KCNN2: variants seen among roughly 807,000 people sequenced by gnomAD.
The protein encoded by KCNN2 is potassium calcium-activated channel subfamily N member 2, also known as small conductance calcium-activated potassium channel protein 2.
Under a neutral mutation model 55.5 loss-of-function variants are expected in KCNN2, and 24 were observed. The ratio of observed to expected loss-of-function variants is 0.43; its 90% confidence interval spans 0.31 to 0.61. The LOEUF is 0.61. Ranked by LOEUF, KCNN2 falls within the 20% of genes least tolerant of loss-of-function variation. The probability of loss-of-function intolerance (pLI) is 0.08; values close to 1 mark genes in which losing one functional copy is unlikely to be tolerated. For missense variants in KCNN2, 754 were observed against 853.6 expected, an observed-to-expected ratio of 0.88 and a Z score of 1.45; for synonymous variants, 431 against 336.1, an observed-to-expected ratio of 1.28 and a Z score of -3.09.
At chr5:114,064,728 G>A (rs987188819) in intron 1 of KCNN2, among the ~76,000 whole-genome samples, 3 of 152,154 alleles carry the variant, frequency 2.0e-5, no homozygotes, top group Non-Finnish European at 4.4e-5. Flanking sequence ...TATAAAGGGG[G>A]CATTTTGAAA....
At chr5:114,259,397 G>A (rs1755053885) in intron 2 of KCNN2, among the ~76,000 whole-genome samples, 1 of 152,160 alleles carries the variant, frequency 6.6e-6, no homozygotes, top group Admixed American at 6.5e-5. Flanking sequence ...GGCTGAGCAG[G>A]ACAGAGGACT....
intron 2 of KCNN2, among the ~76,000 whole-genome samples, chr5:114,322,116 G>T (rs1756626251): frequency 1.3e-5 from 2 of 152,170 alleles, no homozygotes; most frequent in African/African-American, 4.8e-5. Flanking sequence ...CAATTAAGCT[G>T]CAAATAACAT....
chr5:114,058,925 G>T (rs577292635), intron 1 of KCNN2, among the ~76,000 whole-genome samples: 1 of 152,166 alleles, frequency 6.6e-6, no homozygotes, highest in African/African-American at 2.4e-5. Flanking sequence ...TACTTACTGC[G>T]CAGGAGACCA....
chr5:114,166,457 T>G (rs769105932), intron 1 of KCNN2, among the ~76,000 whole-genome samples: 102 of 152,258 alleles, frequency 6.7e-4, no homozygotes, highest in South Asian at 2.5e-3. Flanking sequence ...CTCTGGCCAA[T>G]TGTGTTTTTC....
chr5:114,172,141 A>T (rs974537215), intron 1 of KCNN2, among the ~76,000 whole-genome samples: 3 of 151,892 alleles, frequency 2.0e-5, no homozygotes, highest in Non-Finnish European at 4.4e-5. Context: ...GTTGATTCTC[A>T]ATTTCGTACA....
At chr5:114,250,322 C>T (rs1299435192) in intron 2 of KCNN2, among the ~76,000 whole-genome samples, 5 of 152,144 alleles carry the variant, frequency 3.3e-5, no homozygotes, top group Non-Finnish European at 7.3e-5. Context: ...GGGAACTTGA[C>T]AGAGCTTCTT....
chr5:114,057,673 A>C (rs1750240618), intron 1 of KCNN2, among the ~76,000 whole-genome samples: 1 of 152,170 alleles, frequency 6.6e-6, no homozygotes, highest in African/African-American at 2.4e-5. Context: ...AGAACAGAGT[A>C]ATGTGCTAGA....
intron 3 of KCNN2, among the ~76,000 whole-genome samples, chr5:114,446,356 C>G (rs1760407991): frequency 6.6e-6 from 1 of 152,164 alleles, no homozygotes; most frequent in Non-Finnish European, 1.5e-5. Context: ...TGAAATAGCC[C>G]TGTTATGAAA....
chr5:114,363,885 T>C (rs1353478775), intron 1 of KCNN2, 21 bp from the exon 2 acceptor site: 1 of 1,596,668 alleles, frequency 6.3e-7, no homozygotes, highest in Admixed American at 1.7e-5. Flanking sequence ...TTAAAAGTGC[T>C]TCTGTCTGAC....
chr5:114,267,226 C>T (rs142117333), intron 2 of KCNN2, among the ~76,000 whole-genome samples: 1,666 of 152,254 alleles, frequency 0.011, 28 homozygotes, highest in African/African-American at 0.039. Flanking sequence ...ATCTCTTGAC[C>T]TCGTGATCCA....
chr5:114,100,299 T>C (rs1400078740), intron 1 of KCNN2, among the ~76,000 whole-genome samples: 2 of 152,174 alleles, frequency 1.3e-5, no homozygotes, highest in African/African-American at 4.8e-5. Flanking sequence ...ATTTTATAGA[T>C]GGAGCTCTAG....
intron 3 of KCNN2, among the ~76,000 whole-genome samples, chr5:114,450,579 G>A (rs779905509): frequency 1.3e-5 from 2 of 152,126 alleles, no homozygotes; most frequent in East Asian, 3.9e-4. Context: ...CTCTTCAGGC[G>A]TTTTTGCCAA....
At chr5:114,407,997 T>C (rs923520802) in intron 3 of KCNN2, among the ~76,000 whole-genome samples, 2 of 152,154 alleles carry the variant, frequency 1.3e-5, no homozygotes, top group Non-Finnish European at 2.9e-5. Flanking sequence ...CCTCTATGCC[T>C]TTTTTGAACC....
chr5:114,068,559 A>G (rs2112521675), intron 1 of KCNN2, among the ~76,000 whole-genome samples: 1 of 152,308 alleles, frequency 6.6e-6, no homozygotes, highest in Non-Finnish European at 1.5e-5. Context: ...TCTGGGGCAT[A>G]CATTTCAGAG....
intron 2 of KCNN2, among the ~76,000 whole-genome samples, chr5:114,376,186 C>T (rs954094767): frequency 6.6e-6 from 1 of 151,994 alleles, no homozygotes; most frequent in Admixed American, 6.6e-5. Context: ...GTACAGATTG[C>T]TTCAGTGGCA....
intron 1 of KCNN2, among the ~76,000 whole-genome samples, chr5:114,086,533 A>G (rs1163453743): frequency 6.6e-6 from 1 of 151,758 alleles, no homozygotes; most frequent in African/African-American, 2.4e-5. Flanking sequence ...AACATGTGGT[A>G]TTTGGTTTTC....
chr5:114,306,889 A>G (rs1431492758), intron 2 of KCNN2, among the ~76,000 whole-genome samples: 1 of 151,660 alleles, frequency 6.6e-6, no homozygotes, highest in African/African-American at 2.4e-5. Flanking sequence ...TTTTTAGTAG[A>G]GACGAGGTGT....
chr5:114,456,284 CT>C (rs1288891739), intron 3 of KCNN2, among the ~76,000 whole-genome samples: 4 of 152,202 alleles, frequency 2.6e-5, no homozygotes, highest in African/African-American at 9.6e-5. Flanking sequence ...ACTAAATCTA[CT>C]TTGCCTGTGC....
chr5:114,319,060 C>G (rs1561569363), intron 2 of KCNN2, among the ~76,000 whole-genome samples: 1 of 152,052 alleles, frequency 6.6e-6, no homozygotes. Flanking sequence ...CTGTATAAAT[C>G]CTGAGGCTAA....
Sources: gnomAD v4.1 joint callset for allele counts (sites outside exome capture counted in the v4.1 genomes callset) on GRCh38, gnomAD v4.1.1 for gene constraint, MANE v1.5 for transcripts, NCBI Gene and HGNC (gene_info 2026-07-23, HGNC 2026-07-21) for gene names.